Variants in PDCD11 observed in about 807,000 individuals in gnomAD.
The protein encoded by PDCD11 is protein RRP5 homolog.
PDCD11 carries 97 observed loss-of-function variants against 198.9 expected under a neutral mutation model. That is an observed-to-expected ratio of 0.49 (90% confidence interval 0.41 to 0.58). The LOEUF (loss-of-function observed/expected upper bound fraction) is 0.58. Ranked by LOEUF, PDCD11 falls within the 20% of genes least tolerant of loss-of-function variation. PDCD11 has a pLI of 0.00. For synonymous variants in PDCD11, 893 were observed against 918.0 expected (o/e 0.97, Z 0.49); for missense variants, 2,102 against 2,312.7 (o/e 0.91, Z 1.87).
chr10:103,402,495 G>A (rs1441755379), intron 3 of PDCD11, among the ~76,000 whole-genome samples: 1 of 151,786 alleles, frequency 6.6e-6, no homozygotes, highest in Non-Finnish European at 1.5e-5. Flanking sequence ...CTGGAGTGCA[G>A]TGGCATGATC....
At chr10:103,399,054 T>G (rs548207702) in intron 2 of PDCD11, among the ~76,000 whole-genome samples, 1 of 151,952 alleles carries the variant, frequency 6.6e-6, no homozygotes, top group East Asian at 1.9e-4. Flanking sequence ...CTGTTCCTTG[T>G]TCTTAGACAC....
chr10:103,442,905 G>A (rs1055638320), intron 32 of PDCD11, among the ~76,000 whole-genome samples: 3 of 152,178 alleles, frequency 2.0e-5, no homozygotes, highest in East Asian at 1.9e-4. Context: ...CCTCAGGCCC[G>A]TTTGGGATCT....
chr10:103,422,886 A>T, intron 17 of PDCD11, 102 bp from the exon 18 acceptor site: 1 of 1,087,154 alleles, frequency 9.2e-7, no homozygotes, highest in Non-Finnish European at 1.2e-6. Context: ...CAGTGGTTCC[A>T]GTGCTCCACT....
intron 3 of PDCD11, among the ~76,000 whole-genome samples, chr10:103,402,622 A>G (rs1024406385): frequency 6.6e-6 from 1 of 152,014 alleles, no homozygotes; most frequent in Non-Finnish European, 1.5e-5. Flanking sequence ...TATTTTTAGT[A>G]GAGACGGGGT....
At position 103,423,525 on chromosome 10, in the gene PDCD11, T is replaced by C; in HGVS notation, c.2648-18T>C. On this transcript the variant is annotated intron_variant, in intron 18 of 35. Transcript: ENST00000369797. The stretch of plus-strand genomic sequence containing the variant: ...CTCTGTTCCAGAAGGATAATCACAC[T>C]GTGGTTCTGCACTGCAGGGCAGGAG... The C allele has an allele frequency of 6.5e-7, 1 of 1,539,674 alleles. No individual in the cohort carries two copies. The highest frequency in any genetic ancestry group is 1.4e-5 in the African/African-American group (1 of 73,472).
rs1210344939 is a variant in PDCD11, at chr10:103,419,577, G to A, written c.2146G>A (p.Gly716Ser). The change falls in exon 16 of 36, where the codon GGT becomes AGT. Residue 716 changes from glycine (G) to serine (S), a missense_variant. Transcript: ENST00000369797. ...GCCAGCCTTGGTCTCCACAGTAGAA[G>A]GTGGCCAGGATCCCAAGAACTTCTC... The part of the protein sequence containing the change: ...RKPALVSTVE[G>S]GQDPKNFSEI... 2.5e-6 allele frequency: 4 copies of A among 1,614,112 alleles called. No individual in the cohort carries two copies. Among genetic ancestry groups the A allele is most frequent in the Non-Finnish European group, 3.4e-6 (4 of 1,180,016 alleles).
chr10:103,400,217 GC>G (rs146704197), intron 2 of PDCD11, among the ~76,000 whole-genome samples, 179 bp from the exon 3 acceptor site: 64 of 127,478 alleles, frequency 5.0e-4, no homozygotes, highest in African/African-American at 1.5e-3. Flanking sequence ...AACATTGGCG[GC>G]CCCCCCCCTT....
chr10:103,432,248 C>A lies in PDCD11; in HGVS notation c.3474+14C>A, dbSNP rs760513494. The stretch of plus-strand genomic sequence containing the variant: ...TTCTTAAAGAAAGTAAGTAGTTTTG[C>A]CACTCGGCAATGAGATGTCATTCTT... On this transcript the variant is annotated intron_variant, in intron 22 of 35. Transcript: ENST00000369797. 59 of 1,542,412 alleles carry A rather than the reference C, an allele frequency of 3.8e-5. No homozygotes were observed. The highest frequency in any genetic ancestry group is 5.1e-5 in the Non-Finnish European group (57 of 1,114,812).
At chr10:103,438,844 C>T (rs768258154) in intron 27 of PDCD11, 36 bp downstream of exon 27, 1 of 1,611,610 alleles carries the variant, frequency 6.2e-7, no homozygotes, top group South Asian at 1.1e-5. Context: ...GACCCAAGTG[C>T]CTTCCCTGAG....
chr10:103,444,722 A>G, intron 35 of PDCD11, 40 bp downstream of exon 35: 2 of 1,585,052 alleles, frequency 1.3e-6, no homozygotes, highest in South Asian at 1.1e-5. Flanking sequence ...TCCTCAGGAG[A>G]GGGCGTGGTA....
intron 25 of PDCD11, among the ~76,000 whole-genome samples, chr10:103,435,872 A>C (rs1330816090): frequency 2.0e-5 from 3 of 152,160 alleles, no homozygotes; most frequent in Non-Finnish European, 4.4e-5. Flanking sequence ...CCTAGAAGTG[A>C]AATTGATGGG....
intron 32 of PDCD11, 151 bp from the exon 33 acceptor site, chr10:103,443,014 G>C (rs1392885246): frequency 1.8e-6 from 1 of 565,900 alleles, no homozygotes; most frequent in South Asian, 3.4e-5. Context: ...AGGAGCTGTG[G>C]GGACACAGCC....
Position 103,433,113 on chromosome 10 carries a change from G to T in PDCD11, c.3475-835G>T, listed in dbSNP as rs1050991623. Among the ~76,000 whole-genome samples, 4 of 152,174 alleles carry T rather than the reference G, an allele frequency of 2.6e-5. No homozygotes were observed. In the East Asian group the frequency reaches 5.8e-4, roughly 22 times the overall value. ...CTTGTAGGCTGTAATCTCCTTGAAG[G>T]CAGGCTCTGGCTTTTATTTATCATT... is the stretch of plus-strand genomic sequence containing the variant. On this transcript the variant is annotated intron_variant, in intron 22 of 35. Coordinates refer to ENST00000369797, the MANE Select transcript of PDCD11 (RefSeq NM_014976.2).
At position 103,438,682 on chromosome 10, in the gene PDCD11, T is replaced by A; in HGVS notation, c.3903-4T>A. The A allele has an allele frequency of 6.2e-7, 1 of 1,614,168 alleles. No homozygotes were observed. Among genetic ancestry groups the A allele is most frequent in the South Asian group, 1.1e-5 (1 of 91,076 alleles). On this transcript the variant is annotated splice_region_variant and splice_polypyrimidine_tract_variant and intron_variant, in intron 26 of 35. Coordinates refer to ENST00000369797, the MANE Select transcript of PDCD11 (RefSeq NM_014976.2). ...GTGTGCATGTAAGCCTTTTATTCCT[T>A]TAGAACAAACCCGGAGACGAAAAGC... is the stretch of plus-strand genomic sequence containing the variant.
At chr10:103,426,742 T>C (rs933484346) in intron 20 of PDCD11, among the ~76,000 whole-genome samples, 1 of 150,018 alleles carries the variant, frequency 6.7e-6, no homozygotes, top group Non-Finnish European at 1.5e-5. Context: ...GCTGAGATTG[T>C]GCCATTGCAC....
At chr10:103,442,557 C>CAT (rs1446539467) in intron 32 of PDCD11, 97 bp downstream of exon 32, 285 of 1,427,548 alleles carry the variant, frequency 2.0e-4, no homozygotes, top group Non-Finnish European at 2.6e-4. Flanking sequence ...AGGCCGGCAG[C>CAT]ATTTTGGGTG....
Position 103,445,610 on chromosome 10 carries a change from C to A in PDCD11, c.*61C>A. The stretch of plus-strand genomic sequence containing the variant: ...GGCCAGCCCGGCCCCGCCTCGAGTG[C>A]CTGGGCACTCGGAAAACTGTTACCT... On this transcript the variant is annotated 3_prime_UTR_variant, in exon 36 of 36. Transcript: ENST00000369797. 1 of 1,464,286 alleles carries A rather than the reference C, an allele frequency of 6.8e-7. No homozygotes were observed. The highest frequency in any genetic ancestry group is 2.4e-4 in the Middle Eastern group (1 of 4,128). 90.7% of individuals were successfully genotyped at this position (1,464,286 alleles called of 1,614,324 possible). A position where few individuals can be genotyped will look rare whatever the true frequency, so the allele number is the denominator to read the frequency against.
In PDCD11 at chr10:103,444,162, C is replaced by A. The variant is rs1338994076; in HGVS notation, c.5278+94C>A. 1.0e-5 allele frequency: 11 copies of A among 1,084,596 alleles called. No homozygotes were observed. The South Asian group carries it at 1.5e-4, about 15-fold the overall frequency. 67.2% of individuals were successfully genotyped at this position (1,084,596 alleles called of 1,614,324 possible). A position where few individuals can be genotyped will look rare whatever the true frequency, so the allele number is the denominator to read the frequency against. On this transcript the variant is annotated intron_variant, in intron 34 of 35. Coordinates refer to ENST00000369797, the MANE Select transcript of PDCD11 (RefSeq NM_014976.2). The stretch of plus-strand genomic sequence containing the variant: ...CATTGCTTCTTCTAAGTCAGGAGAG[C>A]CTTGTGAGGGCTTTCCTCTTGCTGC...
chr10:103,440,835 G>A lies in PDCD11; in HGVS notation c.4542G>A (p.Thr1514=), dbSNP rs760156751. Residue 1514 remains threonine, a synonymous_variant, in exon 30 of 36, where the codon ACG becomes ACA. Transcript: ENST00000369797. The part of the protein sequence containing the change: ...YREGKEEAEE[T]NVLPKEKQTK... ...AGGGAAAAGAGGAGGCAGAAGAGAC[G>A]AATGTGCTGCCCAAGGTGAGGGTGA... 2.5e-5 allele frequency: 40 copies of A among 1,611,198 alleles called. No individual in the cohort carries two copies. Among genetic ancestry groups the A allele is most frequent in the Admixed American group, 1.2e-4 (7 of 59,798 alleles).
Sources: gnomAD v4.1 joint callset for allele counts (sites outside exome capture counted in the v4.1 genomes callset) on GRCh38, gnomAD v4.1.1 for gene constraint, MANE v1.5 for transcripts, NCBI Gene and HGNC (gene_info 2026-07-23, HGNC 2026-07-21) for gene names.